C18orf54: variants seen among roughly 807,000 people sequenced by gnomAD.
C18orf54 encodes the protein chromosome 18 open reading frame 54.
A neutral mutation model predicts 49.3 loss-of-function variants in C18orf54; 49 were observed. The observed-to-expected ratio is 0.99, with a 90% CI of 0.79 to 1.26. C18orf54 has a LOEUF of 1.26. C18orf54 is among the 50% of genes most tolerant of loss of function. The pLI, the probability that C18orf54 is intolerant of heterozygous loss-of-function variation, is 0.00. For missense variants in C18orf54, 687 were observed against 620.6 expected (o/e 1.11, Z -1.14); for synonymous variants, 211 against 216.6 (o/e 0.97, Z 0.23).
chr18:54,368,622 T>C (rs2089429524), intron 6 of C18orf54, among the ~76,000 whole-genome samples: 1 of 152,010 alleles, frequency 6.6e-6, no homozygotes, highest in South Asian at 2.1e-4. Context: ...TGTATTAACT[T>C]TGAACACTTG....
At position 54,360,145 on chromosome 18, in the gene C18orf54, TATG is replaced by T. The variant is rs571480114; in HGVS notation, c.-46-378_-46-376del. 2.1e-3 allele frequency among the ~76,000 whole-genome samples: 323 copies of T among 152,304 alleles called. 3 individuals carry two copies. The highest frequency in any genetic ancestry group is 7.5e-3 in the African/African-American group (310 of 41,572). ...GGTAGTAGGCTTATGATTTGAAAAA[TATG>T]ATGTATAGGGGAATATTAGGTATTG... On this transcript the variant is annotated intron_variant, in intron 2 of 8. Transcript: ENST00000620105.
rs1333667927 is a variant in C18orf54, at chr18:54,379,253, GAATT to G, written c.*1010_*1013del. On this transcript the variant is annotated 3_prime_UTR_variant, in exon 9 of 9. Coordinates refer to ENST00000620105, the MANE Select transcript of C18orf54 (RefSeq NM_001288980.2). ...TAAGCATCTTTACTAACACAACTGA[GAATT>G]AAGTCATAAAACATAACTAATACAG... The G allele has an allele frequency of 1.3e-5, 2 of 151,926 alleles. No individual in the cohort carries two copies. Among genetic ancestry groups the G allele is most frequent in the African/African-American group, 2.4e-5 (1 of 41,388 alleles). 9.4% of individuals were successfully genotyped at this position (151,926 alleles called of 1,614,324 possible). A position where few individuals can be genotyped will look rare whatever the true frequency, so the allele number is the denominator to read the frequency against.
At chr18:54,368,139 TAA>T (rs1183751813) in intron 6 of C18orf54, among the ~76,000 whole-genome samples, 1 of 152,110 alleles carries the variant, frequency 6.6e-6, no homozygotes, top group African/African-American at 2.4e-5. Flanking sequence ...TGAGTTTTTT[TAA>T]AAAAACATGA....
At position 54,357,936 on chromosome 18, in the gene C18orf54, G is replaced by C. The variant is rs1290332405; in HGVS notation, c.-283G>C. 6.6e-6 allele frequency: 1 copy of C among 152,330 alleles called. No homozygotes were observed. Among genetic ancestry groups the C allele is most frequent in the Non-Finnish European group, 1.5e-5 (1 of 68,094 alleles). 9.4% of individuals were successfully genotyped at this position (152,330 alleles called of 1,614,324 possible). A position where few individuals can be genotyped will look rare whatever the true frequency, so the allele number is the denominator to read the frequency against. ...GTTGGGGCGGTTTGAAAGCGAGCGC[G>C]GGTGTCGAGCTCTGCTGTGACTGCG... On this transcript the variant is annotated 5_prime_UTR_variant, in exon 1 of 9. Coordinates refer to ENST00000620105, the MANE Select transcript of C18orf54 (RefSeq NM_001288980.2).
At chr18:54,365,864 G>T in intron 6 of C18orf54, 43 bp downstream of exon 6, 2 of 1,221,600 alleles carry the variant, frequency 1.6e-6, no homozygotes, top group Admixed American at 1.9e-5. Flanking sequence ...AAAGATATAT[G>T]AATAATATGT....
chr18:54,360,951 C>T (rs1805644727), intron 3 of C18orf54, 96 bp downstream of exon 3: 1 of 1,224,202 alleles, frequency 8.2e-7, no homozygotes, highest in Non-Finnish European at 1.1e-6. Context: ...ATTTTTGTTA[C>T]TTTGGAGTAA....
intron 6 of C18orf54, among the ~76,000 whole-genome samples, chr18:54,371,960 A>AG (rs34305711): frequency 2.6e-5 from 4 of 152,194 alleles, no homozygotes; most frequent in Admixed American, 6.5e-5. Flanking sequence ...AACACAAATA[A>AG]GTCCAGGGGT....
chr18:54,360,204 A>G (rs1025252038), intron 2 of C18orf54, among the ~76,000 whole-genome samples: 1 of 152,190 alleles, frequency 6.6e-6, no homozygotes, highest in African/African-American at 2.4e-5. Context: ...CCATAAGAGA[A>G]AAGAGGTTCA....
intron 8 of C18orf54, 66 bp from the exon 9 acceptor site, chr18:54,378,108 C>A: frequency 9.5e-7 from 1 of 1,047,324 alleles, no homozygotes. Context: ...TATTTTTTTG[C>A]TGTCTGCATT....
chr18:54,377,629 A>G (rs1184669052), intron 8 of C18orf54, among the ~76,000 whole-genome samples: 3 of 152,204 alleles, frequency 2.0e-5, no homozygotes, highest in Admixed American at 2.0e-4. Flanking sequence ...TGTTGGTATA[A>G]CAACACATTA....
chr18:54,362,576 T>TAG, intron 4 of C18orf54, 145 bp downstream of exon 4: 1 of 892,580 alleles, frequency 1.1e-6, no homozygotes. Context: ...AATCTTCACA[T>TAG]ACAGCATTTT....
chr18:54,377,275 G>A (rs1328110166), intron 8 of C18orf54, among the ~76,000 whole-genome samples: 1 of 152,036 alleles, frequency 6.6e-6, no homozygotes, highest in Non-Finnish European at 1.5e-5. Context: ...GACCTCAGGT[G>A]GTCATATCAT....
chr18:54,378,199 A>G lies in C18orf54; in HGVS notation c.1555A>G (p.Arg519Gly), dbSNP rs1333841682. ...GGCTTTGCACCATTTATCTCGCCTG[A>G]GAGACCTGGTTGATGATACGAATGG... Reference protein sequence around the residue: ...QKALHHLSRLRDLVDDTNGER... With the variant: ...QKALHHLSRLGDLVDDTNGER... Residue 519 changes from arginine (R) to glycine (G), a missense_variant, in exon 9 of 9, where the codon AGA becomes GGA. Arg to Gly is a moderately radical substitution (Grantham distance 125). Coordinates refer to ENST00000620105, the MANE Select transcript of C18orf54 (RefSeq NM_001288980.2). 2 of 1,613,412 alleles carry G rather than the reference A, an allele frequency of 1.2e-6. No homozygotes were observed. The highest frequency in any genetic ancestry group is 1.7e-6 in the Non-Finnish European group (2 of 1,179,662).
Position 54,365,789 on chromosome 18 carries a change from G to A in C18orf54, c.1294G>A (p.Val432Ile). The change falls in exon 6 of 9, where the codon GTT (valine) becomes ATT (isoleucine). Residue 432 changes from valine to isoleucine, a missense_variant. Val to Ile is a conservative substitution (Grantham distance 29). Coordinates refer to ENST00000620105, the MANE Select transcript of C18orf54 (RefSeq NM_001288980.2). ...TTCAAGGGCAAAGAGTGCTAAAGGG[G>A]TTCTTGAAGACTTTCTAAATAATGA... is the stretch of plus-strand genomic sequence containing the variant. The part of the protein sequence containing the change: ...QTSRAKSAKG[V>I]LEDFLNNDNQ... The A allele has an allele frequency of 6.3e-7, 1 of 1,588,380 alleles. No individual in the cohort carries two copies.
Position 54,362,048 on chromosome 18 carries a change from A to G in C18orf54, c.689A>G (p.Glu230Gly). ...PKKSSFKDSS[E>G]HSLEKNYPRW... ...AAATCGTCTTTCAAGGACAGTTCAG[A>G]ACACAGTCTTGAAAAGAATTACCCA... is the stretch of plus-strand genomic sequence containing the variant. Residue 230 changes from glutamate to glycine, a missense_variant, in exon 4 of 9, where the codon GAA becomes GGA. Coordinates refer to ENST00000620105, the MANE Select transcript of C18orf54 (RefSeq NM_001288980.2). The G allele has an allele frequency of 5.1e-6, 8 of 1,568,194 alleles. No homozygotes were observed. Among genetic ancestry groups the G allele is most frequent in the Non-Finnish European group, 6.9e-6 (8 of 1,157,448 alleles).
chr18:54,369,146 CCACATATACT>C (rs1418325355), intron 6 of C18orf54, among the ~76,000 whole-genome samples: 1 of 152,070 alleles, frequency 6.6e-6, no homozygotes, highest in East Asian at 1.9e-4. Context: ...GTTTGCCAAC[CCACATATACT>C]CACATATGTA....
At position 54,361,928 on chromosome 18, in the gene C18orf54, A is replaced by G. The variant is rs369246437; in HGVS notation, c.569A>G (p.Asn190Ser). The change falls in exon 4 of 9, where the codon AAT becomes AGT. Residue 190 changes from asparagine to serine, a missense_variant. Physicochemically the swap from Asn to Ser is conservative, Grantham distance 46 (BLOSUM62 1). Coordinates refer to ENST00000620105, the MANE Select transcript of C18orf54 (RefSeq NM_001288980.2). ...TTTGTTACTCCTGTTATACGCTCAAATATAAATGGAAAGCAATGTGGTAGG... is the reference window on the plus strand; with the variant it reads ...TTTGTTACTCCTGTTATACGCTCAAGTATAAATGGAAAGCAATGTGGTAGG... ...DNFVTPVIRS[N>S]INGKQCGRLK... 4.3e-6 allele frequency: 7 copies of G among 1,614,158 alleles called. 1 individual carries two copies. Among genetic ancestry groups the G allele is most frequent in the East Asian group, 2.2e-5 (1 of 44,876 alleles).
chr18:54,368,936 A>G (rs1024414599), intron 6 of C18orf54, among the ~76,000 whole-genome samples: 4 of 152,218 alleles, frequency 2.6e-5, no homozygotes, highest in Non-Finnish European at 4.4e-5. Context: ...GTTTCAGGTT[A>G]GGCCATTAGG....
chr18:54,368,043 G>A (rs7241037), intron 6 of C18orf54, among the ~76,000 whole-genome samples: 28,349 of 151,628 alleles, frequency 0.19, 2,832 homozygotes, highest in Middle Eastern at 0.26. Context: ...CTTTTTTTAT[G>A]ATTTCTGTTT....
Sources: gnomAD v4.1 joint callset for allele counts (sites outside exome capture counted in the v4.1 genomes callset) on GRCh38, gnomAD v4.1.1 for gene constraint, MANE v1.5 for transcripts, NCBI Gene and HGNC (gene_info 2026-07-23, HGNC 2026-07-21) for gene names.